The following UBTF variants were observed in gnomAD, a reference collection of about 807,000 sequenced individuals.
The protein encoded by UBTF is upstream binding transcription factor.
A neutral mutation model predicts 112.3 loss-of-function variants in UBTF; 8 were observed. The observed-to-expected ratio is 0.07, with a 90% CI of 0.04 to 0.13. The LOEUF (loss-of-function observed/expected upper bound fraction) is 0.13, where lower values mean the gene tolerates loss of function less well. Ranked by LOEUF, UBTF falls within the 10% of genes least tolerant of loss-of-function variation. The pLI is 1.00. For missense variants in UBTF, 457 were observed against 982.1 expected (o/e 0.47, Z 7.15); for synonymous variants, 417 against 373.1 (o/e 1.12, Z -1.36).
chr17:44,210,083 C>A lies in UBTF; in HGVS notation c.1626+41G>T, dbSNP rs762468055. 3 of 1,607,820 alleles carry A rather than the reference C, an allele frequency of 1.9e-6. No homozygotes were observed. The African/African-American group carries it at 4.0e-5, about 22-fold the overall frequency. On this transcript the variant is annotated intron_variant, in intron 15 of 20. Transcript: ENST00000436088. ...AGCTGCCCAACCAAAGGGGAGTTCC[C>A]GAGCTTTCAATGAATGGGGTGGCCC...
intron 5 of UBTF, 155 bp downstream of exon 5, chr17:44,215,499 G>A (rs929541589): frequency 2.8e-5 from 25 of 895,886 alleles, no homozygotes; most frequent in Non-Finnish European, 3.8e-5. Flanking sequence ...CGAGGAAGGG[G>A]CAATCAGGTG....
chr17:44,215,032 C>T (rs1488555951), intron 5 of UBTF, among the ~76,000 whole-genome samples: 1 of 152,214 alleles, frequency 6.6e-6, no homozygotes, highest in Non-Finnish European at 1.5e-5. Flanking sequence ...TGGTCTGGGA[C>T]AGTGCCCGAC....
At chr17:44,215,598 C>T in intron 5 of UBTF, 56 bp downstream of exon 5, 5 of 1,603,430 alleles carry the variant, frequency 3.1e-6, no homozygotes, top group Non-Finnish European at 4.3e-6. Context: ...TGACCCACAC[C>T]ACACCAGCTG....
At position 44,218,203 on chromosome 17, in the gene UBTF, T is replaced by G; in HGVS notation, c.27A>C (p.Thr9=). 1 of 1,612,570 alleles carries G rather than the reference T, an allele frequency of 6.2e-7. No homozygotes were observed. Among genetic ancestry groups the G allele is most frequent in the Non-Finnish European group, 8.5e-7 (1 of 1,179,714 alleles). The change falls in exon 2 of 21, where the codon ACA becomes ACC. Residue 9 remains threonine, a synonymous_variant. Coordinates refer to ENST00000436088, the MANE Select transcript of UBTF (RefSeq NM_014233.4). MNGEADCP[T]DLEMAAPKGQ... ...CTTTGGGGGCGGCCATTTCCAGGTC[T>G]GTGGGGCAGTCGGCTTCTCCGTTCA... is the stretch of plus-strand genomic sequence containing the variant.
chr17:44,212,255 G>T, intron 8 of UBTF, 89 bp downstream of exon 8: 1 of 1,146,804 alleles, frequency 8.7e-7, no homozygotes, highest in Non-Finnish European at 1.3e-6. Flanking sequence ...GATGGGGAGT[G>T]ACACCTCCCG....
rs988625342 is a variant in UBTF at position 44,209,523 on chromosome 17, G to A, written c.1734C>T (p.Phe578=). The stretch of plus-strand genomic sequence containing the variant: ...CCCCATTGGACAGCAGCTCCTGGGA[G>A]AACTTCTGGTAACCGTTCCTGGGAG... The part of the protein sequence containing the change: ...KKPPMNGYQK[F]SQELLSNGEL... Residue 578 remains phenylalanine (F), a synonymous_variant, in exon 17 of 21, where the codon TTC becomes TTT. Transcript: ENST00000436088. The A allele has an allele frequency of 6.2e-7, 1 of 1,611,870 alleles. No homozygotes were observed. Among genetic ancestry groups the A allele is most frequent in the African/African-American group, 1.3e-5 (1 of 74,908 alleles).
intron 18 of UBTF, 45 bp downstream of exon 18, chr17:44,207,819 A>G: frequency 6.2e-7 from 1 of 1,613,962 alleles, no homozygotes; most frequent in Non-Finnish European, 8.5e-7. Context: ...GACACCCCTG[A>G]ATTCCCCCAC....
Position 44,207,164 on chromosome 17 carries a change from T to C in UBTF, c.*78A>G. The C allele has an allele frequency of 6.6e-7, 1 of 1,507,052 alleles. No individual in the cohort carries two copies. The highest frequency in any genetic ancestry group is 9.1e-7 in the Non-Finnish European group (1 of 1,096,302). The allele number at this position is 1,507,052 out of a possible 1,614,324, so 93.4% of individuals were successfully genotyped here. On this transcript the variant is annotated 3_prime_UTR_variant, in exon 21 of 21. Transcript: ENST00000436088. ...GGCCAGGGGGGCAAGGGACAGAACA[T>C]GGGGGAGAAACAAAGGTGGTCAGTT...
intron 13 of UBTF, 148 bp from the exon 14 acceptor site, chr17:44,210,621 G>C: frequency 4.3e-6 from 6 of 1,382,008 alleles, no homozygotes; most frequent in South Asian, 1.5e-5. Context: ...CCTGGTCTGC[G>C]GCGCTCAGCT....
At chr17:44,221,098 AT>A (rs5820527), upstream of UBTF, 76,673 of 148,938 alleles carry the variant, frequency 0.51, 23,872 homozygotes, top group African/African-American at 0.87. Flanking sequence ...CACAAAAAAA[AT>A]TTTTTTTTTT....
At chr17:44,210,065 C>A in intron 15 of UBTF, 59 bp downstream of exon 15, 1 of 1,579,268 alleles carries the variant, frequency 6.3e-7, no homozygotes, top group Non-Finnish European at 8.7e-7. Flanking sequence ...CAGAGCTGCC[C>A]AACCAAAGGG....
At chr17:44,207,418 C>T (rs780746657) in intron 20 of UBTF, 36 bp downstream of exon 20, 1 of 1,611,594 alleles carries the variant, frequency 6.2e-7, no homozygotes, top group Non-Finnish European at 8.5e-7. Flanking sequence ...CCTGGCAGGA[C>T]TCCCCTCCCC....
chr17:44,210,813 G>C lies in UBTF; in HGVS notation c.1338C>G (p.Asn446Lys). The C allele has an allele frequency of 1.3e-6, 2 of 1,568,138 alleles. No homozygotes were observed. The highest frequency in any genetic ancestry group is 1.7e-6 in the Non-Finnish European group (2 of 1,155,650). Residue 446 changes from asparagine (N) to lysine (K), a missense_variant, in exon 13 of 21, where the codon AAC (asparagine) becomes AAG (lysine). Physicochemically the swap from Asn to Lys is moderately conservative, Grantham distance 94 (BLOSUM62 0). Transcript: ENST00000436088. ...TGACCTTCTTCTTCTCAGACAGGTC[G>C]TTCCACATTCGGGCCAGCAGGCGGG... Reference protein sequence around the residue: ...ELTRLLARMWNDLSEKKKAKY... With the variant: ...ELTRLLARMWKDLSEKKKAKY...
At chr17:44,215,312 G>T in intron 5 of UBTF, 1 of 237,282 alleles carries the variant, frequency 4.2e-6, no homozygotes, top group Non-Finnish European at 8.3e-6. Context: ...AGACCATGAC[G>T]GGAAACGTCA....
Position 44,211,986 on chromosome 17 carries a change from G to A in UBTF, c.792C>T (p.Ile264=). 1 of 1,612,074 alleles carries A rather than the reference G, an allele frequency of 6.2e-7. No individual in the cohort carries two copies. The highest frequency in any genetic ancestry group is 8.5e-7 in the Non-Finnish European group (1 of 1,179,118). The change falls in exon 9 of 21, where the codon ATC becomes ATT. Residue 264 remains isoleucine (I), a synonymous_variant. Coordinates refer to ENST00000436088, the MANE Select transcript of UBTF (RefSeq NM_014233.4). This position sits in a 1 kb window ranked among gnomAD's most constrained non-coding sequence, Gnocchi z 4.9. ...KEYEEIMRDY[I]QKHPELNISE... ...TGATGTTCAGCTCTGGGTGCTTCTG[G>A]ATATAGTCTCTCATGATCTCCTGCA...
chr17:44,210,136 T>C lies in UBTF; in HGVS notation c.1614A>G (p.Gln538=). 6.2e-7 allele frequency: 1 copy of C among 1,614,212 alleles called. No individual in the cohort carries two copies. ...GCCCCATTCCTACCTCATATCGCTT[T>C]TGGTCTTCGGCTGCCTTCTTAATCC... ...LMWIKKAAED[Q]KRYERELSEM... The change falls in exon 15 of 21, where the codon CAA becomes CAG. Residue 538 remains glutamine (Q), a synonymous_variant. Transcript: ENST00000436088.
intron 5 of UBTF, 53 bp downstream of exon 5, chr17:44,215,601 A>G: frequency 1.2e-6 from 2 of 1,604,466 alleles, no homozygotes; most frequent in East Asian, 4.5e-5. Context: ...CCCACACCAC[A>G]CCAGCTGCTC....
chr17:44,221,105 T>C (rs2047167403), upstream of UBTF: 1 of 151,922 alleles, frequency 6.6e-6, no homozygotes, highest in Admixed American at 6.5e-5. Context: ...AAAATTTTTT[T>C]TTTTTAAAGA....
intron 13 of UBTF, 131 bp downstream of exon 13, chr17:44,210,661 G>T: frequency 1.4e-6 from 2 of 1,394,874 alleles, no homozygotes; most frequent in Middle Eastern, 2.6e-4. Context: ...GCTGCTGGGC[G>T]CCGGCCCCAC....
Sources: gnomAD v4.1 joint callset for allele counts (sites outside exome capture counted in the v4.1 genomes callset) on GRCh38, gnomAD v4.1.1 for gene constraint, Gnocchi (gnomAD v3.1) non-coding constraint, MANE v1.5 for transcripts, NCBI Gene and HGNC (gene_info 2026-07-23, HGNC 2026-07-21) for gene names.